GPR89B: variants seen among roughly 807,000 people sequenced by gnomAD.
GPR89B encodes G protein-coupled receptor 89B.
GPR89B carries 25 observed loss-of-function variants against 52.4 expected under a neutral mutation model. The observed-to-expected ratio is 0.48, with a 90% confidence interval of 0.35 to 0.67. The LOEUF (loss-of-function observed/expected upper bound fraction) is 0.67. Among genes scored for constraint, GPR89B ranks in the 30% least tolerant of loss-of-function variants. The pLI is 0.01. For missense variants in GPR89B, 146 were observed against 450.2 expected (o/e 0.32, Z 6.11); for synonymous variants, 52 against 151.2 (o/e 0.34, Z 4.81).
Position 147,928,638 on chromosome 1 carries a change from C to T in GPR89B, c.42+60C>T, listed in dbSNP as rs1571205619. ...CCTCCCTTCACCGAATCGCCCTCTC[C>T]GGTCCTCCGCGGTGCGGGCTGGTCC... On this transcript the variant is annotated intron_variant, in intron 1 of 13. Transcript: ENST00000314163. 3.1e-6 allele frequency: 5 copies of T among 1,605,018 alleles called. No individual in the cohort carries two copies. In the East Asian group the frequency reaches 8.9e-5, roughly 29 times the overall value.
the GPR89B span, among the ~76,000 whole-genome samples, chr1:148,012,489 T>TCCCCG: frequency 8.2e-6 from 1 of 122,030 alleles, no homozygotes; most frequent in Admixed American, 8.6e-5. Context: ...CCTCCTCCCC[T>TCCCCG]CCCCGCCCCA....
At chr1:147,995,110 G>A (rs1217809552), downstream of GPR89B, among the ~76,000 whole-genome samples, 7 of 152,008 alleles carry the variant, frequency 4.6e-5, no homozygotes, top group Middle Eastern at 0.01. Context: ...GTCTTTAACC[G>A]TCACCACTTA....
chr1:147,979,591 A>G (rs1384087845), intron 10 of GPR89B, among the ~76,000 whole-genome samples: 4 of 152,106 alleles, frequency 2.6e-5, no homozygotes, highest in African/African-American at 9.7e-5. Flanking sequence ...GTTAATCATG[A>G]AAAGGTGTTG....
downstream of GPR89B, among the ~76,000 whole-genome samples, chr1:147,995,322 T>G (rs1659289699): frequency 6.6e-6 from 1 of 150,472 alleles, no homozygotes. Context: ...CAGGCTCTTT[T>G]GGGGGTTCCC....
chr1:148,005,408 C>T, the GPR89B span: 2 of 1,589,142 alleles, frequency 1.3e-6, no homozygotes, highest in Non-Finnish European at 1.7e-6. Context: ...GCATCCTCTA[C>T]ATTCTCTCCA....
chr1:148,005,518 G>A, the GPR89B span: 2 of 1,605,620 alleles, frequency 1.2e-6, no homozygotes, highest in Non-Finnish European at 1.7e-6. Flanking sequence ...ACCTGGAAGA[G>A]AGTAGGGGTA....
chr1:147,962,822 A>C (rs1471223688), intron 7 of GPR89B, among the ~76,000 whole-genome samples: 1 of 150,414 alleles, frequency 6.6e-6, no homozygotes, highest in East Asian at 2.0e-4. Flanking sequence ...TGCTGAACCC[A>C]GGAGGTGGAG....
chr1:147,951,532 G>A (rs1655693760), intron 5 of GPR89B, among the ~76,000 whole-genome samples: 1 of 151,822 alleles, frequency 6.6e-6, no homozygotes, highest in South Asian at 2.1e-4. Flanking sequence ...TAAACTCGAA[G>A]CCAAGAACAG....
the GPR89B span, among the ~76,000 whole-genome samples, chr1:148,017,765 T>TG: frequency 2.7e-5 from 4 of 148,674 alleles, no homozygotes; most frequent in African/African-American, 1.0e-4. Context: ...TAAAATAAAA[T>TG]AAAATAAAAT....
chr1:147,938,884 A>G (rs1244036557), intron 3 of GPR89B, 67 bp downstream of exon 3: 12 of 1,525,242 alleles, frequency 7.9e-6, no homozygotes, highest in Non-Finnish European at 1.1e-5. Flanking sequence ...TGGAAAAGCT[A>G]TTGGATCTCA....
chr1:148,002,434 C>G, the GPR89B span, among the ~76,000 whole-genome samples: 1 of 152,200 alleles, frequency 6.6e-6, no homozygotes, highest in Non-Finnish European at 1.5e-5. Context: ...TGATACAGAT[C>G]TGCCTTCAGA....
chr1:147,965,836 T>C (rs1279583876), intron 7 of GPR89B, among the ~76,000 whole-genome samples: 1 of 151,974 alleles, frequency 6.6e-6, no homozygotes, highest in Non-Finnish European at 1.5e-5. Context: ...AGCTGTTTTT[T>C]TTTGTTTGTT....
chr1:147,958,771 G>A (rs1656316644), intron 7 of GPR89B, among the ~76,000 whole-genome samples: 1 of 151,816 alleles, frequency 6.6e-6, no homozygotes, highest in Non-Finnish European at 1.5e-5. Flanking sequence ...ATAATGCATT[G>A]TCTGGTCAGG....
intron 10 of GPR89B, among the ~76,000 whole-genome samples, chr1:147,973,309 C>T (rs1657609140): frequency 6.6e-6 from 1 of 152,138 alleles, no homozygotes; most frequent in Non-Finnish European, 1.5e-5. Flanking sequence ...TCTCTGTAGC[C>T]TCACCAGCAT....
the GPR89B span, among the ~76,000 whole-genome samples, chr1:148,009,114 C>A: frequency 7.2e-5 from 11 of 152,222 alleles, 2 homozygotes; most frequent in African/African-American, 1.9e-4. Context: ...GTACCCAGTG[C>A]CCCCCACCCC....
At chr1:147,948,967 C>A (rs1270098791) in intron 5 of GPR89B, among the ~76,000 whole-genome samples, 3 of 151,982 alleles carry the variant, frequency 2.0e-5, no homozygotes, top group East Asian at 1.9e-4. Flanking sequence ...TGACTCTTAA[C>A]GAGCATGCTG....
intron 11 of GPR89B, among the ~76,000 whole-genome samples, chr1:147,988,155 C>T (rs1368858173): frequency 3.3e-5 from 5 of 151,338 alleles, no homozygotes; most frequent in Admixed American, 6.6e-5. Flanking sequence ...GAGTTTGAGA[C>T]GAGCCTGAAC....
the GPR89B span, among the ~76,000 whole-genome samples, chr1:148,025,069 C>T: frequency 1.3e-5 from 2 of 151,892 alleles, no homozygotes; most frequent in Non-Finnish European, 1.5e-5. Flanking sequence ...ACCCCCGCCC[C>T]CAGTTAATAA....
At chr1:147,995,537 A>G, downstream of GPR89B, 1 of 1,563,966 alleles carries the variant, frequency 6.4e-7, no homozygotes, top group Non-Finnish European at 8.8e-7. Context: ...ATATACTCAT[A>G]GGGACTGTAC....
Sources: gnomAD v4.1 joint callset for allele counts (sites outside exome capture counted in the v4.1 genomes callset) on GRCh38, gnomAD v4.1.1 for gene constraint, MANE v1.5 for transcripts, NCBI Gene and HGNC (gene_info 2026-07-23, HGNC 2026-07-21) for gene names.